Variants in COL21A1 observed in about 807,000 individuals in gnomAD.
COL21A1 encodes the protein collagen alpha-1(XXI) chain.
A neutral mutation model predicts 137.9 loss-of-function variants in COL21A1; 149 were observed. The observed-to-expected ratio is 1.08, with a 90% CI of 0.95 to 1.24. COL21A1 has a LOEUF of 1.24. COL21A1 is among the 50% of genes most tolerant of loss of function. COL21A1 has a pLI of 0.00. For synonymous variants in COL21A1, 456 were observed against 391.5 expected (o/e 1.16, Z -1.95); for missense variants, 1,167 against 1,158.4 (o/e 1.01, Z -0.11).
At chr6:56,313,227 C>T (rs540456028) in intron 1 of COL21A1, among the ~76,000 whole-genome samples, 75 of 152,062 alleles carry the variant, frequency 4.9e-4, no homozygotes, top group African/African-American at 1.7e-3. Flanking sequence ...ACAAAACAGT[C>T]CTCCCTTATT....
chr6:56,291,456 G>A (rs4715608), intron 1 of COL21A1, among the ~76,000 whole-genome samples: 129,699 of 152,226 alleles, frequency 0.85, 57,587 homozygotes, highest in South Asian at 0.99. Flanking sequence ...GCAAACAGGC[G>A]GATGCCTTCT....
chr6:56,192,941 A>T (rs1369417929), intron 1 of COL21A1, among the ~76,000 whole-genome samples: 1 of 152,236 alleles, frequency 6.6e-6, no homozygotes, highest in African/African-American at 2.4e-5. Flanking sequence ...GATAGACTGG[A>T]TTAAGAAAAT....
At chr6:56,326,653 G>A (rs72873612) in intron 1 of COL21A1, among the ~76,000 whole-genome samples, 8,518 of 152,034 alleles carry the variant, frequency 0.056, 321 homozygotes, top group Non-Finnish European at 0.083. Flanking sequence ...CTTACCTGTT[G>A]ATTAGTTGAA....
intron 1 of COL21A1, among the ~76,000 whole-genome samples, chr6:56,203,558 T>C (rs1779545923): frequency 6.6e-6 from 1 of 152,214 alleles, no homozygotes; most frequent in African/African-American, 2.4e-5. Flanking sequence ...TATCTTGTCA[T>C]TCTGAAAACA....
Position 56,057,627 on chromosome 6 carries a change from T to G in COL21A1, c.*30A>C, listed in dbSNP as rs369931307. 2.6e-5 allele frequency: 42 copies of G among 1,607,014 alleles called. No homozygotes were observed. The African/African-American group carries it at 5.2e-4, about 20-fold the overall frequency. On this transcript the variant is annotated 3_prime_UTR_variant, in exon 30 of 30. Coordinates refer to ENST00000244728, the MANE Select transcript of COL21A1 (RefSeq NM_030820.4). ...GCAAAAGACCACAGAAAAAGCACCATGCCTAGGCTGCTGAATGAGGCATCA... is the reference window on the plus strand; with the variant it reads ...GCAAAAGACCACAGAAAAAGCACCAGGCCTAGGCTGCTGAATGAGGCATCA...
At chr6:56,100,848 C>G (rs4295484) in intron 17 of COL21A1, among the ~76,000 whole-genome samples, 1 of 152,190 alleles carries the variant, frequency 6.6e-6, no homozygotes, top group East Asian at 1.9e-4. Context: ...AAATGTGATA[C>G]AAATACACCT....
chr6:56,320,281 C>A (rs889117305), intron 1 of COL21A1, among the ~76,000 whole-genome samples: 1 of 152,008 alleles, frequency 6.6e-6, no homozygotes, highest in Admixed American at 6.6e-5. Flanking sequence ...ATGTCTAAAA[C>A]TTGGTATCTT....
At chr6:56,095,817 A>G (rs1399032829) in intron 17 of COL21A1, among the ~76,000 whole-genome samples, 3 of 152,094 alleles carry the variant, frequency 2.0e-5, no homozygotes, top group African/African-American at 7.2e-5. Context: ...GGTGAACTGT[A>G]TGTGAATTAT....
intron 1 of COL21A1, among the ~76,000 whole-genome samples, chr6:56,308,370 T>A (rs898889647): frequency 6.6e-6 from 1 of 152,220 alleles, no homozygotes; most frequent in Non-Finnish European, 1.5e-5. Context: ...TCAATTTCTA[T>A]CATTTATAAA....
rs1562193515 is a variant in COL21A1 at position 56,098,605 on chromosome 6, AAATATATATAAAT to A, written c.1812+2854_1812+2866del. Reference sequence around the variant, plus strand: ...TATATAAATATATAAATATATATATAAATATATATAAATATATATAAATATATATATAAATATA... The same window carrying A: ...TATATAAATATATAAATATATATATAATATATAAATATATATATAAATATA... On this transcript the variant is annotated intron_variant, in intron 17 of 29. Coordinates refer to ENST00000244728, the MANE Select transcript of COL21A1 (RefSeq NM_030820.4). Among the ~76,000 whole-genome samples, 44 of 22,888 alleles carry A rather than the reference AAATATATATAAAT, an allele frequency of 1.9e-3. 1 individual carries two copies. The highest frequency in any genetic ancestry group is 7.9e-3 in the African/African-American group (35 of 4,430). The allele number at this position is 22,888 out of a possible 152,430, so 15.0% of individuals were successfully genotyped here.
At chr6:56,269,654 C>CAAA (rs70986792) in intron 1 of COL21A1, among the ~76,000 whole-genome samples, 5 of 64,048 alleles carry the variant, frequency 7.8e-5, no homozygotes, top group Non-Finnish European at 1.3e-4. Flanking sequence ...GACTCCGTCT[C>CAAA]AAAAAAAAAA....
At chr6:56,318,633 T>C (rs1325983157) in intron 1 of COL21A1, among the ~76,000 whole-genome samples, 1 of 152,144 alleles carries the variant, frequency 6.6e-6, no homozygotes, top group Admixed American at 6.6e-5. Context: ...CTGCACTTGA[T>C]GAGTGGTTCC....
At chr6:56,194,959 GATTAATAA>G (rs1464369315) in intron 1 of COL21A1, among the ~76,000 whole-genome samples, 1 of 152,090 alleles carries the variant, frequency 6.6e-6, no homozygotes. Flanking sequence ...CAGATTAGTG[GATTAATAA>G]ATTAATAAAT....
intron 1 of COL21A1, among the ~76,000 whole-genome samples, chr6:56,252,801 G>C (rs1782883442): frequency 6.6e-6 from 1 of 152,130 alleles, no homozygotes; most frequent in African/African-American, 2.4e-5. Context: ...ACCATAAAAA[G>C]GAAAAATGAA....
intron 10 of COL21A1, among the ~76,000 whole-genome samples, chr6:56,154,864 T>C (rs1248586704): frequency 6.6e-6 from 1 of 152,124 alleles, no homozygotes. Flanking sequence ...CACTTTTGTT[T>C]ACCCCTTCAG....
At chr6:56,098,787 C>T (rs571768060) in intron 17 of COL21A1, among the ~76,000 whole-genome samples, 123 of 138,040 alleles carry the variant, frequency 8.9e-4, no homozygotes, top group African/African-American at 3.2e-3. Flanking sequence ...GCGATCTTGG[C>T]TCACCGCAAC....
At chr6:56,094,785 A>C (rs2114222138) in intron 17 of COL21A1, among the ~76,000 whole-genome samples, 1 of 152,292 alleles carries the variant, frequency 6.6e-6, no homozygotes, top group South Asian at 2.1e-4. Flanking sequence ...AGGAGGTGTA[A>C]GTTGGAAACT....
intron 17 of COL21A1, among the ~76,000 whole-genome samples, chr6:56,091,929 A>AGCTG: frequency 6.6e-6 from 1 of 152,116 alleles, no homozygotes; most frequent in Non-Finnish European, 1.5e-5. Context: ...CTCTGTCCTC[A>AGCTG]CCATCCACCT....
intron 10 of COL21A1, among the ~76,000 whole-genome samples, chr6:56,145,654 C>A (rs1774770372): frequency 1.2e-5 from 1 of 81,168 alleles, no homozygotes; most frequent in Non-Finnish European, 2.4e-5. Context: ...TTATTGAGTT[C>A]TTATTTTTCA....
Sources: gnomAD v4.1 joint callset for allele counts (sites outside exome capture counted in the v4.1 genomes callset) on GRCh38, gnomAD v4.1.1 for gene constraint, MANE v1.5 for transcripts, NCBI Gene and HGNC (gene_info 2026-07-23, HGNC 2026-07-21) for gene names.